SHBG: variants seen among roughly 807,000 people sequenced by gnomAD.
SHBG encodes the protein sex hormone-binding globulin.
A neutral mutation model predicts 41.9 loss-of-function variants in SHBG; 37 were observed. The ratio of observed to expected loss-of-function variants is 0.88; its 90% CI spans 0.68 to 1.16. SHBG has a LOEUF of 1.16. Among genes scored for constraint, SHBG ranks in the 50% most tolerant of loss-of-function variants. The pLI is 0.00. For missense variants in SHBG, 466 were observed against 499.9 expected, an observed-to-expected ratio of 0.93 and a Z score of 0.65; for synonymous variants, 217 against 205.8, an observed-to-expected ratio of 1.05 and a Z score of -0.47.
In SHBG at chr17:7,621,489, T is replaced by C. The variant is rs1436667138; in HGVS notation, c.-62+7378T>C. Among the ~76,000 whole-genome samples the C allele has an allele frequency of 1.5e-5, 2 of 136,628 alleles. 1 individual carries two copies. The highest frequency in any genetic ancestry group is 4.4e-4 in the East Asian group (2 of 4,574). The allele number at this position is 136,628 out of a possible 152,430, so 89.6% of individuals were successfully genotyped here. On this transcript the variant is annotated intron_variant, in intron 1 of 5. Transcript: ENST00000570547. ...GGTGGTGCACGCCTGTAATCCCAGC[T>C]ACTCAAGAGGTTGAGGCAGGAGAAT...
rs115336700 is a variant in SHBG, at chr17:7,631,341, G to A, written c.535G>A (p.Ala179Thr). 52 of 1,613,424 alleles carry A rather than the reference G, an allele frequency of 3.2e-5. No individual in the cohort carries two copies. Among genetic ancestry groups the A allele is most frequent in the Middle Eastern group, 3.4e-4 (2 of 5,832 alleles). Residue 179 changes from alanine (A) to threonine (T), a missense_variant, in exon 4 of 8, where the codon GCT (alanine) becomes ACT (threonine). Transcript: ENST00000380450. ...RIALGGLLFPASNLRLPLVPA... is the reference protein window; with the variant it reads ...RIALGGLLFPTSNLRLPLVPA... ...TGCGCTTGGGGGGCTGCTCTTCCCC[G>A]CTTCCAACCTTCGGTTGCCGGTAAC...
Position 7,631,424 on chromosome 17 carries a change from C to A in SHBG, c.555+63C>A, listed in dbSNP as rs2072409210. ...TGGTAAAGCACTGCTGGGTGGCTGGCCGTGGGAATCTAAGTCCACACTTTT... is the reference window on the plus strand; with the variant it reads ...TGGTAAAGCACTGCTGGGTGGCTGGACGTGGGAATCTAAGTCCACACTTTT... On this transcript the variant is annotated intron_variant, in intron 4 of 7. Coordinates refer to ENST00000380450, the MANE Select transcript of SHBG (RefSeq NM_001040.5). 19 of 1,587,378 alleles carry A rather than the reference C, an allele frequency of 1.2e-5. No homozygotes were observed. The South Asian group carries it at 2.0e-4, about 17-fold the overall frequency.
chr17:7,627,353 G>T (rs377569695), upstream of SHBG: 1 of 1,613,970 alleles, frequency 6.2e-7, no homozygotes, highest in African/African-American at 1.3e-5. This position sits in a 1 kb window ranked among gnomAD's most constrained non-coding sequence, Gnocchi z 4.8. Flanking sequence ...CCTGGGCGCT[G>T]AGCCCCCACC....
At chr17:7,627,141 A>G (rs1288536610), upstream of SHBG, 1 of 1,613,950 alleles carries the variant, frequency 6.2e-7, no homozygotes, top group Non-Finnish European at 8.5e-7. The surrounding 1 kb of genome is among the most constrained non-coding windows in gnomAD (Gnocchi z 4.8). Context: ...AGGTGCTCTT[A>G]CCCAGTAGCT....
At chr17:7,618,925 A>G (rs1480638309) in intron 1 of SHBG, among the ~76,000 whole-genome samples, 1 of 152,190 alleles carries the variant, frequency 6.6e-6, no homozygotes, top group African/African-American at 2.4e-5. Flanking sequence ...GTATATCCTT[A>G]TAAGAGATTA....
intron 1 of SHBG, among the ~76,000 whole-genome samples, chr17:7,615,643 A>T (rs1469718923): frequency 1.9e-3 from 83 of 42,572 alleles, no homozygotes; most frequent in Non-Finnish European, 3.2e-3. Context: ...AAATGGTGAA[A>T]CCCACCCCCC....
upstream of SHBG, among the ~76,000 whole-genome samples, chr17:7,623,557 C>G (rs545061451): frequency 6.6e-6 from 1 of 152,280 alleles, no homozygotes; most frequent in South Asian, 2.1e-4. Context: ...CTCCCAGGCT[C>G]AAGCCGTCCT....
At chr17:7,620,637 T>A (rs546538741) in intron 1 of SHBG, among the ~76,000 whole-genome samples, 10 of 151,614 alleles carry the variant, frequency 6.6e-5, no homozygotes, top group Non-Finnish European at 1.5e-4. Flanking sequence ...TTTTTTTTTT[T>A]GTTTTTTTGG....
In SHBG at chr17:7,631,626, C is replaced by T. The variant is rs776605518; in HGVS notation, c.593C>T (p.Ser198Phe). The change falls in exon 5 of 8, where the codon TCC (serine) becomes TTC (phenylalanine). Residue 198 changes from serine to phenylalanine, a missense_variant. By Grantham distance (155) the Ser-to-Phe change is radical. Transcript: ENST00000380450. ...PALDGCLRRD[S>F]WLDKQAEISA... ...CTGGATGGCTGCCTGCGCCGGGATTCCTGGCTGGACAAACAGGCCGAGATC... is the reference window on the plus strand; with the variant it reads ...CTGGATGGCTGCCTGCGCCGGGATTTCTGGCTGGACAAACAGGCCGAGATC... 40 of 1,614,146 alleles carry T rather than the reference C, an allele frequency of 2.5e-5. No homozygotes were observed. The South Asian group carries it at 4.1e-4, about 16-fold the overall frequency.
upstream of SHBG, chr17:7,630,071 C>T: frequency 1.0e-6 from 1 of 983,514 alleles, no homozygotes; most frequent in Non-Finnish European, 1.6e-6. This position sits in a 1 kb window ranked among gnomAD's most constrained non-coding sequence, Gnocchi z 4.6. Context: ...ACCCCCTCCT[C>T]CCCGGGCAAC....
chr17:7,627,720 T>G, upstream of SHBG: 1 of 1,500,556 alleles, frequency 6.7e-7, no homozygotes, highest in Non-Finnish European at 9.3e-7. This position sits in a 1 kb window ranked among gnomAD's most constrained non-coding sequence, Gnocchi z 4.8. Context: ...ACTTGGATCC[T>G]GAAGAGCCTG....
chr17:7,631,083 G>A lies in SHBG; in HGVS notation c.394-117G>A, dbSNP rs1296299926. The A allele has an allele frequency of 4.4e-6, 5 of 1,138,868 alleles. No individual in the cohort carries two copies. The East Asian group carries it at 1.3e-4, about 29-fold the overall frequency. 70.5% of individuals were successfully genotyped at this position (1,138,868 alleles called of 1,614,324 possible). A position where few individuals can be genotyped will look rare whatever the true frequency, so the allele number is the denominator to read the frequency against. On this transcript the variant is annotated intron_variant, in intron 3 of 7. Transcript: ENST00000380450. ...CAAGAGCTGAGTGACCCAAGGCCAAGGATGCTAGCTGCTTCTTTAAGGCAT... is the reference window on the plus strand; with the variant it reads ...CAAGAGCTGAGTGACCCAAGGCCAAAGATGCTAGCTGCTTCTTTAAGGCAT...
chr17:7,631,363 T>C lies in SHBG; in HGVS notation c.555+2T>C. ...CCCGCTTCCAACCTTCGGTTGCCGG[T>C]AACTACACCCCAGGGGTGGAACCCT... On this transcript the variant is annotated splice_donor_variant, in intron 4 of 7. Coordinates refer to ENST00000380450, the MANE Select transcript of SHBG (RefSeq NM_001040.5). LOFTEE classifies it high-confidence loss of function. 1.2e-6 allele frequency: 2 copies of C among 1,612,600 alleles called. No individual in the cohort carries two copies. The highest frequency in any genetic ancestry group is 1.7e-6 in the Non-Finnish European group (2 of 1,179,578).
rs2150967149 is a variant in SHBG at position 7,630,288 on chromosome 17, A to G, written c.111+5A>G. On this transcript the variant is annotated splice_donor_5th_base_variant and intron_variant, in intron 1 of 7. Transcript: ENST00000380450. This position sits in a 1 kb window ranked among gnomAD's most constrained non-coding sequence, Gnocchi z 4.6. ...AGACCTGTTCTCCCCACCCAGGTGCAGGAGCGGGACAGGGCACTCAGCTCA... is the reference window on the plus strand; with the variant it reads ...AGACCTGTTCTCCCCACCCAGGTGCGGGAGCGGGACAGGGCACTCAGCTCA... The G allele has an allele frequency of 2.5e-6, 4 of 1,608,170 alleles. No individual in the cohort carries two copies. Among genetic ancestry groups the G allele is most frequent in the East Asian group, 2.2e-5 (1 of 44,740 alleles).
In SHBG at chr17:7,633,359, A is replaced by G. The variant is rs2072483498; in HGVS notation, c.*7A>G. 3 of 1,612,844 alleles carry G rather than the reference A, an allele frequency of 1.9e-6. No individual in the cohort carries two copies. The highest frequency in any genetic ancestry group is 2.7e-5 in the African/African-American group (2 of 74,728). ...CACTGACGCTTCCCATTAAAGCTCC[A>G]CCTAAGAACCCCCTTTGAAAGTTAC... On this transcript the variant is annotated 3_prime_UTR_variant, in exon 8 of 8. Transcript: ENST00000380450.
At chr17:7,627,863 C>A (rs2072271963), upstream of SHBG, 2 of 650,564 alleles carry the variant, frequency 3.1e-6, no homozygotes, top group Non-Finnish European at 5.7e-6. The surrounding 1 kb of genome is among the most constrained non-coding windows in gnomAD (Gnocchi z 4.8). Flanking sequence ...CATAGCCCCA[C>A]CCCCTCGAAT....
upstream of SHBG, among the ~76,000 whole-genome samples, chr17:7,623,370 A>G (rs2072133535): frequency 6.6e-6 from 1 of 152,246 alleles, no homozygotes; most frequent in Non-Finnish European, 1.5e-5. Context: ...AACCTGGGCA[A>G]CAAGAGTGAA....
At chr17:7,624,778 A>G (rs999370513), upstream of SHBG, among the ~76,000 whole-genome samples, 4 of 151,494 alleles carry the variant, frequency 2.6e-5, no homozygotes, top group Admixed American at 2.6e-4. Flanking sequence ...CAGCCTCCCC[A>G]GTAGCTGGGC....
At chr17:7,620,725 G>A (rs993658314) in intron 1 of SHBG, among the ~76,000 whole-genome samples, 2 of 151,744 alleles carry the variant, frequency 1.3e-5, no homozygotes, top group African/African-American at 4.8e-5. Context: ...CTGCCTCCCA[G>A]GTACAAGTGA....
Sources: gnomAD v4.1 joint callset for allele counts (sites outside exome capture counted in the v4.1 genomes callset) on GRCh38, gnomAD v4.1.1 for gene constraint, Gnocchi (gnomAD v3.1) non-coding constraint, MANE v1.5 for transcripts, NCBI Gene and HGNC (gene_info 2026-07-23, HGNC 2026-07-21) for gene names.